The following SCAF8 variants were observed in gnomAD, a reference collection of about 807,000 sequenced individuals.
SCAF8 encodes SR-related CTD associated factor 8.
In SCAF8, 23 loss-of-function variants were observed where a neutral mutation model predicts 140.5. The ratio of observed to expected loss-of-function variants is 0.16; its 90% CI spans 0.12 to 0.23. The LOEUF (loss-of-function observed/expected upper bound fraction) is 0.23. Ranked by LOEUF, SCAF8 falls within the 10% of genes least tolerant of loss-of-function variation. The probability of loss-of-function intolerance (pLI) is 1.00; values close to 1 mark genes in which losing one functional copy is unlikely to be tolerated. For missense variants in SCAF8, 1,397 were observed against 1,555.7 expected (o/e 0.90, Z 1.72); for synonymous variants, 575 against 528.9 (o/e 1.09, Z -1.20).
chr6:154,742,586 C>T (rs767506061), intron 1 of SCAF8, among the ~76,000 whole-genome samples: 1 of 152,028 alleles, frequency 6.6e-6, no homozygotes, highest in Non-Finnish European at 1.5e-5. Context: ...GATGCATTTG[C>T]TTTTTCTGAT....
At chr6:154,781,684 A>G (rs1777089185) in intron 3 of SCAF8, among the ~76,000 whole-genome samples, 2 of 152,190 alleles carry the variant, frequency 1.3e-5, no homozygotes, top group Non-Finnish European at 2.9e-5. Context: ...CAGTTTAATC[A>G]TTCACTCATT....
Position 154,808,723 on chromosome 6 carries a change from A to G in SCAF8, c.1151A>G (p.Glu384Gly). The change falls in exon 11 of 20, where the codon GAG becomes GGG. Residue 384 changes from glutamate (E) to glycine (G), a missense_variant. Physicochemically the swap from Glu to Gly is moderately conservative, Grantham distance 98. Transcript: ENST00000367178. ...GATGAAGGGCAAGATGGAGTGGAAGAGGAGGTCTTTGAACAAGAAGCTAAG... is the reference window on the plus strand; with the variant it reads ...GATGAAGGGCAAGATGGAGTGGAAGGGGAGGTCTTTGAACAAGAAGCTAAG... Reference protein sequence around the residue: ...DIDEGQDGVEEEVFEQEAKKV... With the variant: ...DIDEGQDGVEGEVFEQEAKKV... The G allele has an allele frequency of 6.2e-7, 1 of 1,613,776 alleles. No homozygotes were observed. Among genetic ancestry groups the G allele is most frequent in the Non-Finnish European group, 8.5e-7 (1 of 1,179,690 alleles).
intron 1 of SCAF8, among the ~76,000 whole-genome samples, chr6:154,748,252 A>G (rs1437580941): frequency 6.6e-6 from 1 of 152,226 alleles, no homozygotes; most frequent in Non-Finnish European, 1.5e-5. Context: ...GTACATGTGC[A>G]TTATGGAACT....
At position 154,784,851 on chromosome 6, in the gene SCAF8, T is replaced by C. The variant is rs185172321; in HGVS notation, c.160-3010T>C. The stretch of plus-strand genomic sequence containing the variant: ...ATTTCTATGTACATCTGTAGAAAAG[T>C]ACAGAAAACAACATATACAGCCAAA... On this transcript the variant is annotated intron_variant, in intron 3 of 19. Coordinates refer to ENST00000367178, the MANE Select transcript of SCAF8 (RefSeq NM_014892.5). Among the ~76,000 whole-genome samples the C allele has an allele frequency of 1.9e-3, 295 of 152,272 alleles. 1 individual carries two copies. The highest frequency in any genetic ancestry group is 6.6e-3 in the African/African-American group (275 of 41,572).
intron 12 of SCAF8, among the ~76,000 whole-genome samples, chr6:154,810,775 A>G (rs1287153815): frequency 6.6e-6 from 1 of 152,016 alleles, no homozygotes; most frequent in Non-Finnish European, 1.5e-5. Flanking sequence ...GCACAGCAAA[A>G]TAAGTTTTAA....
chr6:154,830,956 A>G lies in SCAF8; in HGVS notation c.2175A>G (p.Glu725=). The change falls in exon 19 of 20, where the codon GAA becomes GAG. Residue 725 remains glutamate (E), a synonymous_variant. Coordinates refer to ENST00000367178, the MANE Select transcript of SCAF8 (RefSeq NM_014892.5). ...LVQPSLSMTP[E]TVKDVGFGSL... ...AGCCGTCATTATCCATGACACCGGAAACTGTGAAAGATGTTGGATTTGGTA... is the reference window on the plus strand; with the variant it reads ...AGCCGTCATTATCCATGACACCGGAGACTGTGAAAGATGTTGGATTTGGTA... 2 of 1,614,128 alleles carry G rather than the reference A, an allele frequency of 1.2e-6. No individual in the cohort carries two copies. Among genetic ancestry groups the G allele is most frequent in the Non-Finnish European group, 1.7e-6 (2 of 1,179,976 alleles).
Position 154,832,469 on chromosome 6 carries a change from C to T in SCAF8, c.2890C>T (p.Pro964Ser). The change falls in exon 20 of 20, where the codon CCA becomes TCA. Residue 964 changes from proline to serine, a missense_variant. Pro to Ser is a moderately conservative substitution (Grantham distance 74). This residue lies in a region of SCAF8 where 930 missense variants were observed against 874.6 expected (regional missense o/e 1.06). Coordinates refer to ENST00000367178, the MANE Select transcript of SCAF8 (RefSeq NM_014892.5). Reference sequence around the variant, plus strand: ...ATCGGTACTTGATTCAGCTCTTCATCCACCACCCCGTGGACCTTTTCCTCC... The same window carrying T: ...ATCGGTACTTGATTCAGCTCTTCATTCACCACCCCGTGGACCTTTTCCTCC... ...PPSVLDSALH[P>S]PPRGPFPPGD... is the part of the protein sequence containing the mutation. 6.2e-7 allele frequency: 1 copy of T among 1,614,082 alleles called. No individual in the cohort carries two copies.
intron 13 of SCAF8, 84 bp downstream of exon 13, chr6:154,815,900 C>A: frequency 1.4e-6 from 1 of 695,936 alleles, no homozygotes; most frequent in Non-Finnish European, 2.5e-6. Flanking sequence ...CCTAATTAGC[C>A]CAGTAATGTC....
At chr6:154,772,080 C>G (rs778994940) in intron 1 of SCAF8, among the ~76,000 whole-genome samples, 2 of 151,918 alleles carry the variant, frequency 1.3e-5, no homozygotes, top group Non-Finnish European at 2.9e-5. Context: ...TTCTGAGATA[C>G]GAAGGGCAAA....
chr6:154,778,384 T>C, intron 3 of SCAF8, among the ~76,000 whole-genome samples: 1 of 152,242 alleles, frequency 6.6e-6, no homozygotes, highest in East Asian at 1.9e-4. Context: ...TTCAACTGGC[T>C]AGGTAACTTT....
rs1395006345 is a variant in SCAF8 at position 154,822,507 on chromosome 6, A to G, written c.1926+98A>G. 4 of 1,227,984 alleles carry G rather than the reference A, an allele frequency of 3.3e-6. No homozygotes were observed. In the African/African-American group the frequency reaches 4.5e-5, roughly 14 times the overall value. 76.1% of individuals were successfully genotyped at this position (1,227,984 alleles called of 1,614,324 possible). A position where few individuals can be genotyped will look rare whatever the true frequency, so the allele number is the denominator to read the frequency against. ...ATAAAACCGGAATGAAAATCTCCAT[A>G]TTAGAATAAATGTTTGTCAGTAGTG... On this transcript the variant is annotated intron_variant, in intron 16 of 19. Transcript: ENST00000367178.
chr6:154,795,758 G>A (rs1454224697), intron 6 of SCAF8, among the ~76,000 whole-genome samples: 1 of 152,128 alleles, frequency 6.6e-6, no homozygotes, highest in African/African-American at 2.4e-5. Flanking sequence ...GGAATAGAGG[G>A]GAATCACAAA....
In SCAF8 at chr6:154,733,765, C is replaced by A. The variant is rs1468392630; in HGVS notation, c.-136C>A. 1.5e-6 allele frequency: 2 copies of A among 1,363,214 alleles called. No homozygotes were observed. Among genetic ancestry groups the A allele is most frequent in the African/African-American group, 3.1e-5 (2 of 65,058 alleles). 84.4% of individuals were successfully genotyped at this position (1,363,214 alleles called of 1,614,324 possible). A position where few individuals can be genotyped will look rare whatever the true frequency, so the allele number is the denominator to read the frequency against. On this transcript the variant is annotated 5_prime_UTR_variant, in exon 1 of 20. Coordinates refer to ENST00000367178, the MANE Select transcript of SCAF8 (RefSeq NM_014892.5). ...CAGCGCGTGCCCTTCCACTCCGCCC[C>A]GAGGTCGCAGCGGCCCGCTCTCCCG...
intron 1 of SCAF8, among the ~76,000 whole-genome samples, chr6:154,761,710 A>G (rs1331415622): frequency 6.6e-6 from 1 of 152,152 alleles, no homozygotes; most frequent in African/African-American, 2.4e-5. Flanking sequence ...ACCAAAGCTT[A>G]TATTTAAAGT....
rs773999284 is a variant in SCAF8 at position 154,833,321 on chromosome 6, AAGG to A, written c.3745_3747del (p.Glu1249del). The A allele has an allele frequency of 5.0e-6, 8 of 1,614,058 alleles. No homozygotes were observed. In the Admixed American group the frequency reaches 1.0e-4, roughly 20 times the overall value. The stretch of plus-strand genomic sequence containing the variant: ...ACTGACATCTTCAAATGAAATAAAC[AAGG>A]AGAAGAGTGACACAGTTGCTGATAT... On this transcript the variant is annotated inframe_deletion, in exon 20 of 20. Transcript: ENST00000367178.
intron 6 of SCAF8, 61 bp downstream of exon 6, chr6:154,795,200 A>C (rs569806926): frequency 7.2e-7 from 1 of 1,392,490 alleles, no homozygotes; most frequent in South Asian, 1.4e-5. Flanking sequence ...CTAATGTATT[A>C]CTTTGTAACA....
chr6:154,771,894 A>G (rs1482249223), intron 1 of SCAF8, among the ~76,000 whole-genome samples: 2 of 152,210 alleles, frequency 1.3e-5, no homozygotes, highest in African/African-American at 2.4e-5. Flanking sequence ...TGGGGGGGAA[A>G]AAAAGAAAAG....
rs118005876 is a variant in SCAF8 at position 154,753,811 on chromosome 6, G to A, written c.30+19881G>A. On this transcript the variant is annotated intron_variant, in intron 1 of 19. Transcript: ENST00000367178. ...CAGGAATGAGACCTTTTAATAGTTT[G>A]ATTTTTTTCACAGTGAGCATTTATT... 1.0e-3 allele frequency among the ~76,000 whole-genome samples: 156 copies of A among 152,178 alleles called. 1 individual carries two copies. In the East Asian group the frequency reaches 0.028, roughly 28 times the overall value.
intron 5 of SCAF8, among the ~76,000 whole-genome samples, chr6:154,794,790 T>G (rs1422087734): frequency 8.3e-5 from 4 of 48,062 alleles, no homozygotes; most frequent in East Asian, 2.1e-3. Context: ...GGTGTGTGTG[T>G]GTGTGTGTGT....
Sources: gnomAD v4.1 joint callset for allele counts (sites outside exome capture counted in the v4.1 genomes callset) on GRCh38, gnomAD v4.1.1 for gene constraint, gnomAD v4.1.1 regional missense constraint, MANE v1.5 for transcripts, NCBI Gene and HGNC (gene_info 2026-07-23, HGNC 2026-07-21) for gene names.